CCSER1: variants seen among roughly 807,000 people sequenced by gnomAD.
CCSER1 encodes coiled-coil serine rich protein 1.
A neutral mutation model predicts 82.0 loss-of-function variants in CCSER1; 41 were observed. The ratio of observed to expected loss-of-function variants is 0.50; its 90% CI spans 0.39 to 0.65. The LOEUF (loss-of-function observed/expected upper bound fraction) is 0.65, where lower values mean the gene tolerates loss of function less well. Ranked by LOEUF, CCSER1 falls within the 30% of genes least tolerant of loss-of-function variation. CCSER1 has a pLI of 0.00. For synonymous variants in CCSER1, 414 were observed against 383.9 expected (o/e 1.08, Z -0.92); for missense variants, 1,119 against 1,064.2 (o/e 1.05, Z -0.72).
At chr4:90,913,558 C>T (rs924826816) in intron 8 of CCSER1, among the ~76,000 whole-genome samples, 34 of 152,208 alleles carry the variant, frequency 2.2e-4, no homozygotes, top group African/African-American at 7.5e-4. Context: ...TAAAGACAAT[C>T]GAGGCTAGGA....
chr4:91,392,363 G>GCACACACGCACACA (rs58770768), intron 10 of CCSER1, among the ~76,000 whole-genome samples: 52,767 of 147,898 alleles, frequency 0.36, 9,691 homozygotes, highest in East Asian at 0.62. Flanking sequence ...ACCTACACAT[G>GCACACACGCACACA]CACACACACA....
intron 8 of CCSER1, among the ~76,000 whole-genome samples, chr4:90,862,771 T>C (rs1561266925): frequency 6.6e-6 from 1 of 151,876 alleles, no homozygotes; most frequent in East Asian, 1.9e-4. Context: ...TATTATGCAC[T>C]CAATAGACTG....
intron 10 of CCSER1, among the ~76,000 whole-genome samples, chr4:91,288,209 C>A (rs139282228): frequency 1.3e-5 from 2 of 148,222 alleles, no homozygotes; most frequent in African/African-American, 2.5e-5. Flanking sequence ...TACACACACA[C>A]CTTCTGGTTT....
intron 8 of CCSER1, among the ~76,000 whole-genome samples, chr4:90,861,926 A>ATATATTTTT (rs1486179354): frequency 2.4e-5 from 3 of 125,684 alleles, no homozygotes; most frequent in Non-Finnish European, 5.2e-5. Flanking sequence ...ATATATATAT[A>ATATATTTTT]TTTTTTTTTT....
intron 4 of CCSER1, among the ~76,000 whole-genome samples, chr4:90,412,036 T>G (rs1754935335): frequency 6.6e-6 from 1 of 151,990 alleles, no homozygotes; most frequent in African/African-American, 2.4e-5. Context: ...GCGGCACTAT[T>G]CACAATAGCA....
chr4:90,623,963 C>T (rs17017291), intron 5 of CCSER1, among the ~76,000 whole-genome samples: 6,220 of 152,150 alleles, frequency 0.041, 293 homozygotes, highest in African/African-American at 0.11. Flanking sequence ...TAACCTGAAC[C>T]TTTTTAAAAT....
At chr4:91,340,063 G>C (rs534476628) in intron 10 of CCSER1, among the ~76,000 whole-genome samples, 1 of 152,238 alleles carries the variant, frequency 6.6e-6, no homozygotes, top group African/African-American at 2.4e-5. Context: ...GTTGCAGTGA[G>C]CCATGATCAC....
At chr4:90,732,794 T>C (rs1261975177) in intron 7 of CCSER1, among the ~76,000 whole-genome samples, 4 of 152,204 alleles carry the variant, frequency 2.6e-5, no homozygotes, top group Admixed American at 6.5e-5. Flanking sequence ...TTTTCTTACT[T>C]TCCTTGGCAT....
chr4:91,479,133 T>C (rs889279753), intron 10 of CCSER1, among the ~76,000 whole-genome samples: 4 of 151,078 alleles, frequency 2.6e-5, no homozygotes, highest in African/African-American at 9.7e-5. Flanking sequence ...ATTATGAAAT[T>C]GACATCAGCA....
intron 9 of CCSER1, among the ~76,000 whole-genome samples, chr4:91,030,176 T>G (rs1330457229): frequency 6.6e-6 from 1 of 150,690 alleles, no homozygotes; most frequent in South Asian, 2.1e-4. Context: ...GGAATTACAG[T>G]TTATGAAATT....
chr4:91,133,413 A>T (rs530101737), intron 10 of CCSER1, among the ~76,000 whole-genome samples: 64 of 152,268 alleles, frequency 4.2e-4, no homozygotes, highest in African/African-American at 1.4e-3. Context: ...ATCACATAGG[A>T]AGTCAGCGAA....
chr4:90,380,729 A>G (rs1749071603), intron 3 of CCSER1, among the ~76,000 whole-genome samples: 1 of 152,230 alleles, frequency 6.6e-6, no homozygotes, highest in South Asian at 2.1e-4. Flanking sequence ...AAAACTTAAA[A>G]TTGACAACCA....
At position 91,148,658 on chromosome 4, in the gene CCSER1, C is replaced by T. The variant is rs897279523; in HGVS notation, c.2217+62664C>T. 6.6e-5 allele frequency among the ~76,000 whole-genome samples: 10 copies of T among 152,238 alleles called. No homozygotes were observed. The East Asian group carries it at 9.7e-4, about 15-fold the overall frequency. On this transcript the variant is annotated intron_variant, in intron 10 of 10. Coordinates refer to ENST00000509176, the MANE Select transcript of CCSER1 (RefSeq NM_001145065.2). ...CATCCCACCACCCCATGACAGGCCC[C>T]GGTGTGTGATGTTCCGCATCCTGTG...
intron 10 of CCSER1, among the ~76,000 whole-genome samples, chr4:91,099,300 G>A (rs1724824822): frequency 6.6e-6 from 1 of 152,142 alleles, no homozygotes; most frequent in African/African-American, 2.4e-5. Flanking sequence ...GTGGTTTGGT[G>A]CCTATAGCCC....
intron 10 of CCSER1, among the ~76,000 whole-genome samples, chr4:91,549,944 G>A (rs1252792405): frequency 6.7e-6 from 1 of 149,934 alleles, no homozygotes; most frequent in Non-Finnish European, 1.5e-5. Context: ...TTTCCTTCCT[G>A]CATTAAGTGG....
chr4:90,141,442 CATA>C (rs2153337311), intron 1 of CCSER1, among the ~76,000 whole-genome samples: 1 of 152,286 alleles, frequency 6.6e-6, no homozygotes, highest in Admixed American at 6.5e-5. Flanking sequence ...TTCTGTTTTA[CATA>C]ATATGTTAGT....
At chr4:91,323,173 T>C (rs994970437) in intron 10 of CCSER1, among the ~76,000 whole-genome samples, 19 of 152,120 alleles carry the variant, frequency 1.2e-4, no homozygotes, top group Non-Finnish European at 2.8e-4. Context: ...AAGGGCAAGA[T>C]ACCTGGCAAT....
intron 3 of CCSER1, among the ~76,000 whole-genome samples, chr4:90,398,020 C>G (rs1452656562): frequency 6.6e-6 from 1 of 152,170 alleles, no homozygotes. Context: ...TGTTTTCTCA[C>G]AGTTCTGGAA....
intron 10 of CCSER1, among the ~76,000 whole-genome samples, chr4:91,506,707 A>T (rs560955583): frequency 1.5e-4 from 23 of 152,284 alleles, no homozygotes; most frequent in Admixed American, 6.5e-4. Flanking sequence ...TTCATTTTTT[A>T]AAATTACAAT....
Sources: allele counts gnomAD v4.1 joint callset (sites outside exome capture counted in the v4.1 genomes callset), GRCh38; gene constraint gnomAD v4.1.1; transcripts MANE v1.5; gene names NCBI Gene and HGNC (gene_info 2026-07-23, HGNC 2026-07-21).